Variants in UGT1A6 observed in about 807,000 individuals in gnomAD.
The protein encoded by UGT1A6 is UDP-glucuronosyltransferase 1A6.
In UGT1A6, 32 loss-of-function variants were observed where a neutral mutation model predicts 44.4. The observed-to-expected ratio is 0.72, with a 90% CI of 0.54 to 0.97. The LOEUF is 0.97. Ranked by LOEUF, UGT1A6 falls within the 50% of genes least tolerant of loss-of-function variation. The pLI, the probability that UGT1A6 is intolerant of heterozygous loss-of-function variation, is 0.00. For missense variants in UGT1A6, 685 were observed against 661.9 expected (o/e 1.03, Z -0.38); for synonymous variants, 238 against 248.5 (o/e 0.96, Z 0.40).
At chr2:233,724,728 C>A (rs2077301361) in intron 1 of UGT1A6, among the ~76,000 whole-genome samples, 1 of 144,340 alleles carries the variant, frequency 6.9e-6, no homozygotes, top group Non-Finnish European at 1.5e-5. Context: ...GGCAGCCAGG[C>A]AGAGGGGCTC....
chr2:233,719,117 G>A (rs761490999), intron 1 of UGT1A6: 5 of 1,614,258 alleles, frequency 3.1e-6, no homozygotes, highest in Admixed American at 3.3e-5. Context: ...ACACTCAAGG[G>A]TTCTTTGAAA....
chr2:233,723,484 C>A (rs6750992), intron 1 of UGT1A6, among the ~76,000 whole-genome samples: 60,000 of 128,836 alleles, frequency 0.47, 17,177 homozygotes, highest in African/African-American at 0.75. Context: ...TGCTAGGATT[C>A]CAGGTGTGAG....
chr2:233,772,009 A>G (rs1267109388), intron 4 of UGT1A6, among the ~76,000 whole-genome samples: 2 of 152,192 alleles, frequency 1.3e-5, no homozygotes, highest in African/African-American at 4.8e-5. Context: ...GCTACTCTGG[A>G]GGCTGAGGCA....
chr2:233,708,213 A>G (rs1473084405), intron 1 of UGT1A6, among the ~76,000 whole-genome samples: 1 of 152,212 alleles, frequency 6.6e-6, no homozygotes, highest in Non-Finnish European at 1.5e-5. Context: ...AGGCATTAAC[A>G]ATTTATTCTT....
At chr2:233,757,283 G>A (rs1259796690) in intron 1 of UGT1A6, among the ~76,000 whole-genome samples, 1 of 145,382 alleles carries the variant, frequency 6.9e-6, no homozygotes, top group African/African-American at 2.6e-5. Context: ...TGATTCAGAA[G>A]GGACAGCTGG....
At chr2:233,739,958 T>A (rs1559383787) in intron 1 of UGT1A6, among the ~76,000 whole-genome samples, 1 of 151,938 alleles carries the variant, frequency 6.6e-6, no homozygotes, top group Non-Finnish European at 1.5e-5. Flanking sequence ...TGGGAGCTGA[T>A]TGAATCATAT....
Position 233,693,126 on chromosome 2 carries a change from G to C in UGT1A6, c.122G>C (p.Ser41Thr). The change falls in exon 1 of 5, where the codon AGT becomes ACT. Residue 41 changes from serine to threonine, a missense_variant. Physicochemically the swap from Ser to Thr is moderately conservative, Grantham distance 58. Coordinates refer to ENST00000305139, the MANE Select transcript of UGT1A6 (RefSeq NM_001072.4). ...VVPQDGSHWL[S>T]MKDIVEVLSD... is the part of the protein sequence containing the mutation. The stretch of plus-strand genomic sequence containing the variant: ...CCTCAGGACGGAAGCCACTGGCTTA[G>C]TATGAAGGATATAGTTGAGGTTCTC... 6.2e-7 allele frequency: 1 copy of C among 1,614,224 alleles called. No individual in the cohort carries two copies. Among genetic ancestry groups the C allele is most frequent in the East Asian group, 2.2e-5 (1 of 44,878 alleles).
chr2:233,743,985 AGG>A, intron 1 of UGT1A6: 1 of 1,283,222 alleles, frequency 7.8e-7, no homozygotes, highest in South Asian at 1.3e-5. Context: ...ACCCAGGCGC[AGG>A]CCCGAGTGCT....
At chr2:233,713,564 C>T in intron 1 of UGT1A6, 1 of 1,613,960 alleles carries the variant, frequency 6.2e-7, no homozygotes, top group South Asian at 1.1e-5. Flanking sequence ...CAAACCCTTC[C>T]TCCTATATTC....
At chr2:233,760,524 C>A in intron 1 of UGT1A6, 1 of 1,614,240 alleles carries the variant, frequency 6.2e-7, no homozygotes, top group Non-Finnish European at 8.5e-7. Context: ...TGAAGACGTA[C>A]CCTGTGCCAT....
intron 1 of UGT1A6, chr2:233,743,967 C>A (rs1487193750): frequency 1.5e-6 from 2 of 1,326,686 alleles, no homozygotes; most frequent in African/African-American, 1.5e-5. Flanking sequence ...AGCGGCAAGG[C>A]TGCCAGCACC....
At chr2:233,728,419 C>A (rs1433487219) in intron 1 of UGT1A6, among the ~76,000 whole-genome samples, 1 of 152,142 alleles carries the variant, frequency 6.6e-6, no homozygotes, top group Non-Finnish European at 1.5e-5. Context: ...GATAGCAGCA[C>A]CTCTTCTTCC....
upstream of UGT1A6, chr2:233,692,765 G>A (rs1003535917): frequency 3.2e-6 from 4 of 1,253,520 alleles, no homozygotes; most frequent in African/African-American, 6.1e-5. Context: ...GAGCTGAAGA[G>A]AAACACCCAG....
intron 1 of UGT1A6, among the ~76,000 whole-genome samples, chr2:233,727,779 C>T (rs1053796621): frequency 3.3e-5 from 5 of 152,220 alleles, no homozygotes; most frequent in East Asian, 1.9e-4. Flanking sequence ...CCCCAGTAGA[C>T]GCTTCCATTC....
intron 1 of UGT1A6, among the ~76,000 whole-genome samples, chr2:233,696,259 G>A (rs1003470757): frequency 2.0e-5 from 3 of 152,170 alleles, no homozygotes; most frequent in Non-Finnish European, 4.4e-5. Context: ...ACACATCAGT[G>A]AATGAATGGA....
intron 1 of UGT1A6, among the ~76,000 whole-genome samples, chr2:233,702,709 T>C (rs1270831508): frequency 2.0e-5 from 3 of 152,216 alleles, no homozygotes; most frequent in Non-Finnish European, 4.4e-5. Context: ...TTTTTCTGTG[T>C]CTATTGAAAT....
chr2:233,730,870 C>G (rs1312023750), intron 1 of UGT1A6, among the ~76,000 whole-genome samples: 2 of 152,146 alleles, frequency 1.3e-5, no homozygotes, highest in Admixed American at 1.3e-4. Context: ...CTACTGCACT[C>G]CAGGTTTCTA....
chr2:233,712,867 C>T lies in UGT1A6; in HGVS notation c.861+19002C>T, dbSNP rs535442696. ...CGGGTAATAAGTAACTGGAGGAGGG[C>T]ACTCTGTCTTCAATTACATGTTGAT... On this transcript the variant is annotated intron_variant, in intron 1 of 4. Transcript: ENST00000305139. 1.4e-5 allele frequency: 22 copies of T among 1,575,314 alleles called. No individual in the cohort carries two copies. The African/African-American group carries it at 2.4e-4, about 17-fold the overall frequency.
At chr2:233,729,963 C>A in intron 1 of UGT1A6, 6 of 1,614,038 alleles carry the variant, frequency 3.7e-6, no homozygotes, top group Non-Finnish European at 5.1e-6. Context: ...TTGGGGGCAT[C>A]AACTGTGCCA....
Sources: allele counts gnomAD v4.1 joint callset (sites outside exome capture counted in the v4.1 genomes callset), GRCh38; gene constraint gnomAD v4.1.1; transcripts MANE v1.5; gene names NCBI Gene and HGNC (gene_info 2026-07-23, HGNC 2026-07-21).